The following GPR137 variants were observed in gnomAD, a reference collection of about 807,000 sequenced individuals.
The protein encoded by GPR137 is integral membrane protein GPR137.
Under a neutral mutation model 38.9 loss-of-function variants are expected in GPR137, and 20 were observed. That is an observed-to-expected ratio of 0.51 (90% confidence interval 0.36 to 0.75). GPR137 has a LOEUF of 0.75. Ranked by LOEUF, GPR137 falls within the 30% of genes least tolerant of loss-of-function variation. GPR137 has a pLI of 0.00. For missense variants in GPR137, 456 were observed against 526.4 expected (o/e 0.87, Z 1.31); for synonymous variants, 226 against 235.8 (o/e 0.96, Z 0.38).
upstream of GPR137, chr11:64,285,645 AC>A: frequency 1.0e-6 from 1 of 984,684 alleles, no homozygotes; most frequent in Non-Finnish European, 1.2e-6. Flanking sequence ...CCACCCGGGG[AC>A]CCCCTGGATG....
Position 64,288,757 on chromosome 11 carries a change from T to TA in GPR137, c.1031+37dup. On this transcript the variant is annotated intron_variant, in intron 6 of 6. Transcript: ENST00000438980. This position sits in a 1 kb window ranked among gnomAD's most constrained non-coding sequence, Gnocchi z 5.5. ...TGGCACTGCCTCAGTACCCCTGCCC[T>TA]ACCCGCCCACCCCGCTGGCTCCATC... 1.5e-6 allele frequency: 1 copy of TA among 686,432 alleles called. No individual in the cohort carries two copies. 42.5% of individuals were successfully genotyped at this position (686,432 alleles called of 1,614,324 possible).
chr11:64,281,998 C>T (rs1037420848), upstream of GPR137, among the ~76,000 whole-genome samples: 30 of 152,186 alleles, frequency 2.0e-4, no homozygotes, highest in African/African-American at 6.5e-4. Flanking sequence ...GAATTACAGG[C>T]GTGAGCCACC....
chr11:64,288,025 C>G lies in GPR137; in HGVS notation c.634-40C>G. ...CTCAGGGTGTAGAGGAAGCTGGGAG[C>G]CTTCTCTCCCTGAGGGTCCTCTGTT... On this transcript the variant is annotated intron_variant, in intron 3 of 6. Transcript: ENST00000438980. This position sits in a 1 kb window ranked among gnomAD's most constrained non-coding sequence, Gnocchi z 5.5. 6.2e-7 allele frequency: 1 copy of G among 1,605,402 alleles called. No homozygotes were observed. The highest frequency in any genetic ancestry group is 8.5e-7 in the Non-Finnish European group (1 of 1,179,930).
upstream of GPR137, among the ~76,000 whole-genome samples, chr11:64,281,069 G>A (rs533484283): frequency 1.3e-5 from 2 of 152,100 alleles, no homozygotes; most frequent in East Asian, 1.9e-4. Flanking sequence ...CCGGGCTCAC[G>A]CCATTCTCCT....
At chr11:64,271,835 T>C, upstream of GPR137, 1 of 1,357,460 alleles carries the variant, frequency 7.4e-7, no homozygotes, top group South Asian at 1.8e-5. Flanking sequence ...GGGGGCGACG[T>C]TAATCTCAGC....
upstream of GPR137, among the ~76,000 whole-genome samples, chr11:64,272,405 T>C (rs1022429548): frequency 6.6e-6 from 1 of 151,910 alleles, no homozygotes; most frequent in African/African-American, 2.4e-5. Context: ...TATTTCATAG[T>C]GTCTGTTCTA....
upstream of GPR137, among the ~76,000 whole-genome samples, chr11:64,282,750 G>A (rs925334934): frequency 6.6e-6 from 1 of 151,914 alleles, no homozygotes; most frequent in Admixed American, 6.6e-5. Context: ...ATGGTGACAC[G>A]CGCCTGTAGT....
chr11:64,278,298 G>A (rs2033202073), intron 2 of GPR137, among the ~76,000 whole-genome samples: 1 of 151,610 alleles, frequency 6.6e-6, no homozygotes, highest in African/African-American at 2.4e-5. Context: ...GGGAGGTAGA[G>A]GTTGCTGCGA....
Position 64,278,843 on chromosome 11 carries a change from C to T in GPR137, c.-16+2422C>T, listed in dbSNP as rs117365689. On this transcript the variant is annotated intron_variant, in intron 2 of 2. Transcript: ENST00000538244. The stretch of plus-strand genomic sequence containing the variant: ...GTGACCGAACCAAGTGTGAGTTGCT[C>T]TGCGCAGGTAGAGAGGGCAGAGGCC... Among the ~76,000 whole-genome samples, 587 of 152,328 alleles carry T rather than the reference C, an allele frequency of 3.9e-3. 2 individuals are homozygous for T. The highest frequency in any genetic ancestry group is 7.6e-3 in the Admixed American group (116 of 15,304).
At chr11:64,279,806 A>G (rs1591166893), upstream of GPR137, among the ~76,000 whole-genome samples, 1 of 149,258 alleles carries the variant, frequency 6.7e-6, no homozygotes, top group Admixed American at 6.7e-5. Context: ...CCCACCCTCT[A>G]GGGTAGCCTC....
upstream of GPR137, chr11:64,285,736 A>G (rs2033909084): frequency 1.0e-6 from 1 of 985,222 alleles, no homozygotes. Context: ...AGCTCGCGCC[A>G]ATTCTCGTAC....
upstream of GPR137, chr11:64,285,796 C>T: frequency 1.0e-6 from 1 of 985,342 alleles, no homozygotes; most frequent in Non-Finnish European, 1.2e-6. Context: ...CGGGCCGCTG[C>T]GCAATTTGCG....
In GPR137 at chr11:64,288,993, G is replaced by T; in HGVS notation, c.1032-44G>T. Reference sequence around the variant, plus strand: ...TCCTCCTGCAGCTCTTGTGACTGTGGCCCTGGTCACTGTCCTGAGACTGAC... The same window carrying T: ...TCCTCCTGCAGCTCTTGTGACTGTGTCCCTGGTCACTGTCCTGAGACTGAC... On this transcript the variant is annotated intron_variant, in intron 6 of 6. Transcript: ENST00000438980. This position sits in a 1 kb window ranked among gnomAD's most constrained non-coding sequence, Gnocchi z 5.5. 6.7e-7 allele frequency: 1 copy of T among 1,482,402 alleles called. No individual in the cohort carries two copies. The allele number at this position is 1,482,402 out of a possible 1,614,324, so 91.8% of individuals were successfully genotyped here. A position where few individuals can be genotyped will look rare whatever the true frequency, so the allele number is the denominator to read the frequency against.
upstream of GPR137, chr11:64,284,892 G>C: frequency 6.9e-7 from 1 of 1,446,408 alleles, no homozygotes; most frequent in Non-Finnish European, 9.1e-7. Flanking sequence ...CACACCTTGG[G>C]CGTGTGTGGG....
chr11:64,278,421 C>T (rs1213732087), intron 2 of GPR137, among the ~76,000 whole-genome samples: 2 of 149,720 alleles, frequency 1.3e-5, no homozygotes, highest in African/African-American at 2.4e-5. Flanking sequence ...TAAATAATAA[C>T]AATGGCAGTT....
chr11:64,271,872 A>G (rs557378180), upstream of GPR137: 31 of 1,251,264 alleles, frequency 2.5e-5, no homozygotes, highest in African/African-American at 4.1e-4. Context: ...CCCTGCCTGA[A>G]CCCTCCCCAT....
upstream of GPR137, among the ~76,000 whole-genome samples, chr11:64,275,430 C>T (rs949794156): frequency 6.6e-6 from 1 of 152,190 alleles, no homozygotes; most frequent in Non-Finnish European, 1.5e-5. Flanking sequence ...CATTCTCCAA[C>T]CCTTTGGGGC....
At chr11:64,285,526 C>G (rs983974553), upstream of GPR137, 1 of 984,984 alleles carries the variant, frequency 1.0e-6, no homozygotes, top group Non-Finnish European at 1.2e-6. Flanking sequence ...GACGGGAATC[C>G]GTTGCCGCCC....
In GPR137 at chr11:64,286,966, T is replaced by C. The variant is rs777232006; in HGVS notation, c.359T>C (p.Val120Ala). 8 of 1,613,668 alleles carry C rather than the reference T, an allele frequency of 5.0e-6. No homozygotes were observed. Among genetic ancestry groups the C allele is most frequent in the Non-Finnish European group, 5.9e-6 (7 of 1,179,932 alleles). ...AGTGAAGGGCATCTCTGCTCCTAGGTGGTGTTCAAGGCCAAGGTGAAGCGT... is the reference window on the plus strand; with the variant it reads ...AGTGAAGGGCATCTCTGCTCCTAGGCGGTGTTCAAGGCCAAGGTGAAGCGT... ...LTLMNLYFAQVVFKAKVKRRP... is the reference protein window; with the variant it reads ...LTLMNLYFAQAVFKAKVKRRP... The change falls in exon 2 of 7, where the codon GTG (valine) becomes GCG (alanine). Residue 120 changes from valine to alanine, a missense_variant and splice_region_variant. Physicochemically the swap from Val to Ala is moderately conservative, Grantham distance 64. Transcript: ENST00000438980.
Sources: allele counts gnomAD v4.1 joint callset (sites outside exome capture counted in the v4.1 genomes callset), GRCh38; gene constraint gnomAD v4.1.1; non-coding constraint Gnocchi (gnomAD v3.1); transcripts MANE v1.5; gene names NCBI Gene and HGNC (gene_info 2026-07-23, HGNC 2026-07-21).